SLC25A32: variants seen among roughly 807,000 people sequenced by gnomAD.
SLC25A32 encodes the protein Glycine auxotroph B, complementation of hamster.
Under a neutral mutation model 39.0 loss-of-function variants are expected in SLC25A32, and 32 were observed. That is an observed-to-expected ratio of 0.82 (90% CI 0.62 to 1.10). SLC25A32 has a LOEUF of 1.10. Among genes scored for constraint, SLC25A32 ranks in the 50% least tolerant of loss-of-function variants. The probability of loss-of-function intolerance (pLI) is 0.00; values close to 1 mark genes in which losing one functional copy is unlikely to be tolerated. For synonymous variants in SLC25A32, 166 were observed against 152.4 expected (o/e 1.09, Z -0.66); for missense variants, 367 against 395.3 (o/e 0.93, Z 0.61).
At chr8:103,408,305 AACT>A (rs1028812086) in intron 1 of SLC25A32, among the ~76,000 whole-genome samples, 16 of 152,054 alleles carry the variant, frequency 1.1e-4, no homozygotes, top group Non-Finnish European at 7.4e-5. Flanking sequence ...AATATTTTAA[AACT>A]ACTACATTCA....
Position 103,414,789 on chromosome 8 carries a change from A to AAGCGGATCTTCACGAGGTCG in SLC25A32, c.129_148dup (p.Phe50SerfsTer4). 6.2e-7 allele frequency: 1 copy of AAGCGGATCTTCACGAGGTCG among 1,613,734 alleles called. No homozygotes were observed. Among genetic ancestry groups the AAGCGGATCTTCACGAGGTCG allele is most frequent in the Non-Finnish European group, 8.5e-7 (1 of 1,180,022 alleles). ...GTGTCTGGGCGGGCTCTTACCGGCG[A>AAGCGGATCTTCACGAGGTCG]AGCGGATCTTCACGAGGTCGAGCGG... On this transcript the variant is annotated stop_gained and frameshift_variant, in exon 1 of 7. Transcript: ENST00000297578. LOFTEE classifies it high-confidence loss of function.
In SLC25A32 at chr8:103,414,823, C is replaced by T. The variant is rs144470699; in HGVS notation, c.115G>A (p.Ala39Thr). The T allele has an allele frequency of 6.2e-7, 1 of 1,613,816 alleles. No homozygotes were observed. The highest frequency in any genetic ancestry group is 8.5e-7 in the Non-Finnish European group (1 of 1,180,038). Residue 39 changes from alanine to threonine, a missense_variant, in exon 1 of 7, where the codon GCG (alanine) becomes ACG (threonine). Physicochemically the swap from Ala to Thr is moderately conservative, Grantham distance 58. Coordinates refer to ENST00000297578, the MANE Select transcript of SLC25A32 (RefSeq NM_030780.5). The stretch of plus-strand genomic sequence containing the variant: ...TTCACGAGGTCGAGCGGATGCAGCG[C>T]AAGGTTGGATAAGACGCCGCCGCTC... ...GVSGGVLSNL[A>T]LHPLDLVKIR... is the part of the protein sequence containing the mutation.
chr8:103,404,984 G>C, intron 2 of SLC25A32, 123 bp from the exon 3 acceptor site: 1 of 522,564 alleles, frequency 1.9e-6, no homozygotes, highest in Non-Finnish European at 3.3e-6. Context: ...ACCACAAAAT[G>C]AGACCTTTTT....
chr8:103,413,682 TGTG>T (rs1157579776), intron 1 of SLC25A32, among the ~76,000 whole-genome samples: 2 of 152,228 alleles, frequency 1.3e-5, no homozygotes, highest in South Asian at 2.1e-4. Context: ...TATATGTCTT[TGTG>T]GTGTTTTTTC....
chr8:103,401,416 C>T lies in SLC25A32; in HGVS notation c.812+100G>A, dbSNP rs1816215327. The stretch of plus-strand genomic sequence containing the variant: ...GGGACCACCAATCATGTTTTCACCA[C>T]AGCAAACTGGCCTTTGCTATAAAAC... On this transcript the variant is annotated intron_variant, in intron 6 of 6. Transcript: ENST00000297578. 19 of 1,102,666 alleles carry T rather than the reference C, an allele frequency of 1.7e-5. No homozygotes were observed. In the South Asian group the frequency reaches 3.4e-4, roughly 20 times the overall value. The allele number at this position is 1,102,666 out of a possible 1,614,324, so 68.3% of individuals were successfully genotyped here.
At chr8:103,413,085 T>TC (rs1816499410) in intron 1 of SLC25A32, among the ~76,000 whole-genome samples, 1 of 152,212 alleles carries the variant, frequency 6.6e-6, no homozygotes, top group Non-Finnish European at 1.5e-5. Flanking sequence ...AATCCTTTTA[T>TC]CTGTCACCTC....
intron 1 of SLC25A32, among the ~76,000 whole-genome samples, chr8:103,414,278 T>C (rs369547425): frequency 2.2e-4 from 34 of 152,338 alleles, no homozygotes; most frequent in African/African-American, 7.7e-4. Flanking sequence ...ATTCTAGCTA[T>C]TTTTTCACAG....
intron 1 of SLC25A32, among the ~76,000 whole-genome samples, chr8:103,413,208 C>A (rs1411360016): frequency 6.6e-6 from 1 of 152,222 alleles, no homozygotes; most frequent in Non-Finnish European, 1.5e-5. Flanking sequence ...TGTCTAAACT[C>A]ATCAGGCCAA....
Position 103,401,496 on chromosome 8 carries a change from G to T in SLC25A32, c.812+20C>A, listed in dbSNP as rs59283978. 6.5e-3 allele frequency: 10,403 copies of T among 1,602,224 alleles called. 75 individuals are homozygous for T. Among genetic ancestry groups the T allele is most frequent in the African/African-American group, 7.4e-3 (547 of 74,416 alleles). ...AAGGTACCTTGTCAAAGCAATTTTT[G>T]ATATAGCACGTGCTCTCACCTCCAT... On this transcript the variant is annotated intron_variant, in intron 6 of 6. Transcript: ENST00000297578.
In SLC25A32 at chr8:103,401,585, A is replaced by G; in HGVS notation, c.743T>C (p.Val248Ala). 6.2e-7 allele frequency: 1 copy of G among 1,613,888 alleles called. No homozygotes were observed. Among genetic ancestry groups the G allele is most frequent in the South Asian group, 1.1e-5 (1 of 91,040 alleles). Reference sequence around the variant, plus strand: ...GTGTTGATCCTGAAGACGAGCTCTTACGACTTGATATGGGTATGTTGCTGC... The same window carrying G: ...GTGTTGATCCTGAAGACGAGCTCTTGCGACTTGATATGGGTATGTTGCTGC... The part of the protein sequence containing the change: ...AVAATYPYQV[V>A]RARLQDQHMF... Residue 248 changes from valine to alanine, a missense_variant, in exon 6 of 7, where the codon GTA (valine) becomes GCA (alanine). Transcript: ENST00000297578.
At position 103,401,999 on chromosome 8, in the gene SLC25A32, T is replaced by C; in HGVS notation, c.608A>G (p.Tyr203Cys). 1.2e-6 allele frequency: 2 copies of C among 1,613,400 alleles called. No homozygotes were observed. Among genetic ancestry groups the C allele is most frequent in the South Asian group, 2.2e-5 (2 of 90,926 alleles). ...TSHGALQFMA[Y>C]ELLKLKYNQH... is the part of the protein sequence containing the mutation. ...GTTGTACTTCAACTTCAGCAATTCA[T>C]ATGCCATAAACTGAAGGGCACCATG... The change falls in exon 5 of 7, where the codon TAT becomes TGT. Residue 203 changes from tyrosine (Y) to cysteine (C), a missense_variant. By Grantham distance (194) the Tyr-to-Cys change is radical (BLOSUM62 -2). Transcript: ENST00000297578.
chr8:103,400,528 T>A lies in SLC25A32; in HGVS notation c.831A>T (p.Gly277=), dbSNP rs1308012671. 6.2e-7 allele frequency: 1 copy of A among 1,614,096 alleles called. No individual in the cohort carries two copies. The highest frequency in any genetic ancestry group is 1.1e-5 in the South Asian group (1 of 91,080). ...AATTAGGAGCAATTCCCTTGTAAAA[T>A]CCACCGACGCCTTCTTTCCTTTAGA... ...TKTWRKEGVG[G]FYKGIAPNLI... is the part of the protein sequence containing the mutation. Residue 277 remains glycine (G), a synonymous_variant, in exon 7 of 7, where the codon GGA becomes GGT. Transcript: ENST00000297578.
chr8:103,410,495 C>A (rs1816442442), intron 1 of SLC25A32, among the ~76,000 whole-genome samples: 1 of 152,188 alleles, frequency 6.6e-6, no homozygotes, highest in Non-Finnish European at 1.5e-5. Context: ...AGGCTGCACA[C>A]TCCTTATGAG....
chr8:103,403,401 C>G, intron 3 of SLC25A32, 77 bp from the exon 4 acceptor site: 1 of 262,072 alleles, frequency 3.8e-6, no homozygotes, highest in African/African-American at 4.3e-5. Flanking sequence ...AGAAACAGTA[C>G]ATTTATGTAA....
In SLC25A32 at chr8:103,400,423, T is replaced by G; in HGVS notation, c.936A>C (p.Glu312Asp). Residue 312 changes from glutamate (E) to aspartate (D), a missense_variant, in exon 7 of 7, where the codon GAA becomes GAC. Transcript: ENST00000297578. The stretch of plus-strand genomic sequence containing the variant: ...GTCCTCTTTGAGCTTACTTTCTCTT[T>G]TCTCTAAGGTCAAGTAAAAAATGTG... ...NVSHFLLDLR[E>D]KRK is the part of the protein sequence containing the mutation. 6.2e-7 allele frequency: 1 copy of G among 1,614,132 alleles called. No individual in the cohort carries two copies.
At chr8:103,410,421 A>AGTG (rs1279174712) in intron 1 of SLC25A32, among the ~76,000 whole-genome samples, 1 of 152,154 alleles carries the variant, frequency 6.6e-6, no homozygotes, top group Non-Finnish European at 1.5e-5. Context: ...CTGTCCGATC[A>AGTG]GTGGTGGCAT....
chr8:103,409,369 A>ATTTTTTTC (rs1816410894), intron 1 of SLC25A32, among the ~76,000 whole-genome samples: 1 of 152,072 alleles, frequency 6.6e-6, no homozygotes, highest in Non-Finnish European at 1.5e-5. Context: ...TTAACATATG[A>ATTTTTTTC]CATTATGGTT....
Position 103,415,056 on chromosome 8 carries a change from G to A in SLC25A32, c.-119C>T. ...GCGCAACCCCACCTCCGGGACCAAC[G>A]AGAGGACTCTTATGCCCAAGGCGCG... On this transcript the variant is annotated 5_prime_UTR_variant, in exon 1 of 7. Coordinates refer to ENST00000297578, the MANE Select transcript of SLC25A32 (RefSeq NM_030780.5). The A allele has an allele frequency of 6.2e-7, 1 of 1,600,622 alleles. No individual in the cohort carries two copies. Among genetic ancestry groups the A allele is most frequent in the Non-Finnish European group, 8.5e-7 (1 of 1,173,970 alleles).
chr8:103,404,937 A>G (rs1816297359), intron 2 of SLC25A32, 76 bp from the exon 3 acceptor site: 1 of 939,920 alleles, frequency 1.1e-6, no homozygotes, highest in Non-Finnish European at 1.7e-6. Context: ...GTAAGTCAAC[A>G]GCAGTACCCC....
Sources: allele counts gnomAD v4.1 joint callset (sites outside exome capture counted in the v4.1 genomes callset), GRCh38; gene constraint gnomAD v4.1.1; transcripts MANE v1.5; gene names NCBI Gene and HGNC (gene_info 2026-07-23, HGNC 2026-07-21).